Variants in PRR16 observed in about 807,000 individuals in gnomAD.
The protein encoded by PRR16 is proline rich 16, also known as protein Largen.
PRR16 carries 6 observed loss-of-function variants against 18.2 expected under a neutral mutation model. That is an observed-to-expected ratio of 0.33 (90% CI 0.18 to 0.65). PRR16 has a LOEUF of 0.65. Among genes scored for constraint, PRR16 ranks in the 30% least tolerant of loss-of-function variants. PRR16 has a pLI of 0.74. For missense variants in PRR16, 412 were observed against 376.6 expected (o/e 1.09, Z -0.78); for synonymous variants, 151 against 147.8 (o/e 1.02, Z -0.16).
At chr5:120,493,267 G>T (rs1462781328) in intron 1 of PRR16, among the ~76,000 whole-genome samples, 1 of 152,018 alleles carries the variant, frequency 6.6e-6, no homozygotes, top group Non-Finnish European at 1.5e-5. Context: ...GAAATAAGGT[G>T]GTATATCATT....
chr5:120,498,243 A>T (rs1750325339), intron 1 of PRR16, among the ~76,000 whole-genome samples: 1 of 150,284 alleles, frequency 6.7e-6, no homozygotes, highest in Admixed American at 6.7e-5. Context: ...TAGTTTTTCT[A>T]ACAGTTTTCC....
At chr5:120,549,269 T>TTC (rs1752176393) in intron 1 of PRR16, among the ~76,000 whole-genome samples, 1 of 152,100 alleles carries the variant, frequency 6.6e-6, no homozygotes, top group Admixed American at 6.6e-5. Context: ...CTAATTTTTT[T>TTC]GTTTTTATTT....
At chr5:120,712,583 A>G in the PRR16 span, among the ~76,000 whole-genome samples, 26 of 152,200 alleles carry the variant, frequency 1.7e-4, no homozygotes. Context: ...TATATGTTTA[A>G]TATTCAAAAT....
chr5:120,478,958 C>G (rs1749525996), intron 1 of PRR16, among the ~76,000 whole-genome samples: 2 of 151,976 alleles, frequency 1.3e-5, no homozygotes, highest in South Asian at 4.2e-4. Context: ...TTTAAGCACT[C>G]TACTTATGTG....
At chr5:120,475,652 G>A (rs1749417920) in intron 1 of PRR16, among the ~76,000 whole-genome samples, 1 of 151,994 alleles carries the variant, frequency 6.6e-6, no homozygotes, top group African/African-American at 2.4e-5. Context: ...TGGGAGGATC[G>A]CTTGAGCCCA....
intron 1 of PRR16, among the ~76,000 whole-genome samples, chr5:120,469,421 G>A (rs961851782): frequency 2.0e-5 from 3 of 152,126 alleles, no homozygotes; most frequent in African/African-American, 7.2e-5. Flanking sequence ...CTCTTAGGTT[G>A]AAGGAGTCTT....
At chr5:120,642,632 A>C (rs944732432) in intron 1 of PRR16, among the ~76,000 whole-genome samples, 2 of 152,094 alleles carry the variant, frequency 1.3e-5, no homozygotes, top group African/African-American at 4.8e-5. Flanking sequence ...AAATTTTGCT[A>C]TTTCACATGT....
chr5:120,485,034 A>G (rs1465368670), intron 1 of PRR16, among the ~76,000 whole-genome samples: 1 of 151,922 alleles, frequency 6.6e-6, no homozygotes, highest in African/African-American at 2.4e-5. Context: ...GAACTTTTGG[A>G]AAGTAATCTT....
intron 1 of PRR16, among the ~76,000 whole-genome samples, chr5:120,646,601 T>C (rs1031759121): frequency 2.0e-5 from 3 of 151,906 alleles, no homozygotes; most frequent in Non-Finnish European, 4.4e-5. Flanking sequence ...ATTTCAGAGT[T>C]GGATGGTGAT....
At chr5:120,614,002 C>T (rs1018533287) in intron 1 of PRR16, among the ~76,000 whole-genome samples, 3 of 152,156 alleles carry the variant, frequency 2.0e-5, no homozygotes, top group African/African-American at 7.2e-5. Context: ...ACAGAGCTTT[C>T]CTTAGTAAAG....
chr5:120,512,453 A>G lies in PRR16; in HGVS notation c.159+47808A>G, dbSNP rs577184547. Among the ~76,000 whole-genome samples the G allele has an allele frequency of 5.3e-5, 8 of 152,238 alleles. No individual in the cohort carries two copies. In the South Asian group the frequency reaches 1.7e-3, roughly 32 times the overall value. ...AGATGAGGTGACATCTCTTGCTCTG[A>G]GAGGCCTGCTTCTGACCGTTATTCC... On this transcript the variant is annotated intron_variant, in intron 1 of 1. Transcript: ENST00000407149.
chr5:120,490,518 C>G (rs914055217), intron 1 of PRR16, among the ~76,000 whole-genome samples: 25 of 152,094 alleles, frequency 1.6e-4, no homozygotes, highest in Admixed American at 7.2e-4. Context: ...CCTTTAAGGA[C>G]TTCTCTGCAT....
At chr5:120,604,281 A>G (rs1283476508) in intron 1 of PRR16, among the ~76,000 whole-genome samples, 1 of 152,084 alleles carries the variant, frequency 6.6e-6, no homozygotes. Flanking sequence ...CTTCTTTTTG[A>G]ATTGAACCCT....
chr5:120,746,427 C>T, the PRR16 span, among the ~76,000 whole-genome samples: 1 of 14,374 alleles, frequency 7.0e-5, no homozygotes, highest in African/African-American at 1.3e-4. Flanking sequence ...AAGAGGAACT[C>T]AGAGATTTTT....
At chr5:120,754,427 A>ATATATAG in the PRR16 span, among the ~76,000 whole-genome samples, 2 of 87,530 alleles carry the variant, frequency 2.3e-5, no homozygotes, top group African/African-American at 4.6e-5. Context: ...ATATTATATA[A>ATATATAG]TATATAGTAT....
chr5:120,701,824 G>T, the PRR16 span, among the ~76,000 whole-genome samples: 1 of 152,116 alleles, frequency 6.6e-6, no homozygotes, highest in Non-Finnish European at 1.5e-5. Flanking sequence ...ATGCCTGGAC[G>T]TCAGGCACCT....
At chr5:120,638,224 C>T (rs1755304170) in intron 1 of PRR16, among the ~76,000 whole-genome samples, 1 of 152,014 alleles carries the variant, frequency 6.6e-6, no homozygotes. Flanking sequence ...TGTTAGTGCT[C>T]AAAAAGTTTT....
At chr5:120,485,896 G>C (rs181495527) in intron 1 of PRR16, among the ~76,000 whole-genome samples, 1 of 152,168 alleles carries the variant, frequency 6.6e-6, no homozygotes, top group African/African-American at 2.4e-5. Flanking sequence ...GAGAACATGC[G>C]ACATTTGGTT....
intron 1 of PRR16, among the ~76,000 whole-genome samples, chr5:120,621,697 G>A (rs764955216): frequency 2.0e-5 from 3 of 152,022 alleles, no homozygotes; most frequent in Non-Finnish European, 4.4e-5. Flanking sequence ...GTTGTAAGGG[G>A]CTCTTCCTAC....
Sources: allele counts gnomAD v4.1 joint callset (sites outside exome capture counted in the v4.1 genomes callset), GRCh38; gene constraint gnomAD v4.1.1; transcripts MANE v1.5; gene names NCBI Gene and HGNC (gene_info 2026-07-23, HGNC 2026-07-21).